SEPTIN9: variants seen among roughly 807,000 people sequenced by gnomAD.
SEPTIN9 encodes the protein septin-9.
In SEPTIN9, 13 loss-of-function variants were observed where a neutral mutation model predicts 56.6. That is an observed-to-expected ratio of 0.23 (90% confidence interval 0.15 to 0.37). The LOEUF (loss-of-function observed/expected upper bound fraction) is 0.37, where lower values mean the gene tolerates loss of function less well. SEPTIN9 is among the 10% of genes least tolerant of loss of function. The pLI is 1.00. For synonymous variants in SEPTIN9, 332 were observed against 334.1 expected (o/e 0.99, Z 0.07); for missense variants, 650 against 823.1 (o/e 0.79, Z 2.57).
Position 77,487,573 on chromosome 17 carries a change from TG to T in SEPTIN9, c.1042+26del, listed in dbSNP as rs1225945274. On this transcript the variant is annotated intron_variant, in intron 5 of 11. Coordinates refer to ENST00000427177, the MANE Select transcript of SEPTIN9 (RefSeq NM_001113491.2). This position sits in a 1 kb window ranked among gnomAD's most constrained non-coding sequence, Gnocchi z 4.3. Reference sequence around the variant, plus strand: ...GCACGGTCAGTGGCCGGGAGTGGGCTGGGGGTGCAGGACGCCCCTGCCTTCC... The same window carrying T: ...GCACGGTCAGTGGCCGGGAGTGGGCTGGGGTGCAGGACGCCCCTGCCTTCC... 4.3e-6 allele frequency: 7 copies of T among 1,611,150 alleles called. No homozygotes were observed.
chr17:77,346,514 G>C (rs533316329), intron 2 of SEPTIN9, among the ~76,000 whole-genome samples: 1 of 151,790 alleles, frequency 6.6e-6, no homozygotes, highest in East Asian at 1.9e-4. Context: ...TAGAGCTATT[G>C]ATTTCTAATT....
chr17:77,466,301 G>A (rs1374657586), intron 3 of SEPTIN9: 6 of 772,962 alleles, frequency 7.8e-6, no homozygotes, highest in Non-Finnish European at 9.4e-6. Flanking sequence ...GGCCCAGTGG[G>A]CGCAGCCTCA....
rs1370207352 is a variant in SEPTIN9, at chr17:77,367,393, G to A, written c.77-34666G>A. On this transcript the variant is annotated intron_variant, in intron 2 of 11. Coordinates refer to ENST00000427177, the MANE Select transcript of SEPTIN9 (RefSeq NM_001113491.2). This position sits in a 1 kb window ranked among gnomAD's most constrained non-coding sequence, Gnocchi z 4.5. The stretch of plus-strand genomic sequence containing the variant: ...GCTCATGCCCCATCAGGAGTCTCCC[G>A]ACTCTGCCATTCTGCAAAGGAAACT... 6.6e-6 allele frequency among the ~76,000 whole-genome samples: 1 copy of A among 152,158 alleles called. No individual in the cohort carries two copies. Among genetic ancestry groups the A allele is most frequent in the Non-Finnish European group, 1.5e-5 (1 of 68,026 alleles).
intron 2 of SEPTIN9, among the ~76,000 whole-genome samples, chr17:77,395,977 C>T (rs1169524351): frequency 1.3e-5 from 2 of 152,204 alleles, no homozygotes; most frequent in Admixed American, 6.5e-5. Flanking sequence ...GGCCAAAGCA[C>T]ATGAACGGTC....
Position 77,310,565 on chromosome 17 carries a change from G to A in SEPTIN9, c.76+3368G>A, listed in dbSNP as rs2032450518. Among the ~76,000 whole-genome samples the A allele has an allele frequency of 6.8e-6, 1 of 146,000 alleles. No individual in the cohort carries two copies. The highest frequency in any genetic ancestry group is 2.6e-5 in the African/African-American group (1 of 38,536). The stretch of plus-strand genomic sequence containing the variant: ...TCGCCGAAGGTCTTCTCTGTTACTA[G>A]TGCTGCCGGGAACGTGTGTTTCCCC... On this transcript the variant is annotated intron_variant, in intron 2 of 11. Coordinates refer to ENST00000427177, the MANE Select transcript of SEPTIN9 (RefSeq NM_001113491.2). This position sits in a 1 kb window ranked among gnomAD's most constrained non-coding sequence, Gnocchi z 4.7.
At chr17:77,382,480 C>T (rs1199297444) in intron 2 of SEPTIN9, among the ~76,000 whole-genome samples, 10 of 152,180 alleles carry the variant, frequency 6.6e-5, no homozygotes, top group African/African-American at 1.2e-4. Flanking sequence ...CGCAGCCAAG[C>T]GGGGTGCACC....
intron 3 of SEPTIN9, among the ~76,000 whole-genome samples, chr17:77,427,741 T>C (rs1158629854): frequency 6.6e-6 from 1 of 152,140 alleles, no homozygotes; most frequent in Non-Finnish European, 1.5e-5. Context: ...TCTGCCTCAG[T>C]CCTGGTCAGG....
chr17:77,462,082 A>G (rs2038501299), intron 3 of SEPTIN9, among the ~76,000 whole-genome samples: 2 of 151,858 alleles, frequency 1.3e-5, no homozygotes, highest in African/African-American at 4.8e-5. Flanking sequence ...CTGAGAAAAA[A>G]CCCTTTCCTT....
At chr17:77,320,320 C>T (rs1447180467) in intron 2 of SEPTIN9, 5 of 1,613,026 alleles carry the variant, frequency 3.1e-6, no homozygotes, top group East Asian at 4.5e-5. Context: ...TAAATATATC[C>T]GTAGGAATGG....
Position 77,429,275 on chromosome 17 carries a change from G to A in SEPTIN9, c.721+26572G>A, listed in dbSNP as rs1304232864. 4.2e-6 allele frequency: 2 copies of A among 471,138 alleles called. No individual in the cohort carries two copies. The highest frequency in any genetic ancestry group is 2.0e-5 in the African/African-American group (1 of 50,090). The allele number at this position is 471,138 out of a possible 1,614,324, so 29.2% of individuals were successfully genotyped here. On this transcript the variant is annotated intron_variant, in intron 3 of 11. Coordinates refer to ENST00000427177, the MANE Select transcript of SEPTIN9 (RefSeq NM_001113491.2). This position sits in a 1 kb window ranked among gnomAD's most constrained non-coding sequence, Gnocchi z 5.2. ...GTGACCTTGATCTGACCGTAATTTT[G>A]ATGGTGCCGATGCCGTCAGCACGCA...
In SEPTIN9 at chr17:77,434,843, C is replaced by T. The variant is rs2037280220; in HGVS notation, c.721+32140C>T. 6.6e-6 allele frequency among the ~76,000 whole-genome samples: 1 copy of T among 152,146 alleles called. No homozygotes were observed. The highest frequency in any genetic ancestry group is 2.4e-5 in the African/African-American group (1 of 41,416). On this transcript the variant is annotated intron_variant, in intron 3 of 11. Coordinates refer to ENST00000427177, the MANE Select transcript of SEPTIN9 (RefSeq NM_001113491.2). This position sits in a 1 kb window ranked among gnomAD's most constrained non-coding sequence, Gnocchi z 5.0. ...CTTAATTCAGGAGGGTAGCCAGTCGCTGGAACTAAGAGTGAACTTCAGCTG... is the reference window on the plus strand; with the variant it reads ...CTTAATTCAGGAGGGTAGCCAGTCGTTGGAACTAAGAGTGAACTTCAGCTG...
At chr17:77,316,083 C>A (rs142243353) in intron 2 of SEPTIN9, among the ~76,000 whole-genome samples, 72 of 152,326 alleles carry the variant, frequency 4.7e-4, no homozygotes, top group African/African-American at 1.7e-3. Flanking sequence ...TTACTCAGTG[C>A]GTTTAGTATG....
chr17:77,485,163 G>A (rs1416649119), intron 4 of SEPTIN9, among the ~76,000 whole-genome samples: 2 of 145,892 alleles, frequency 1.4e-5, no homozygotes, highest in East Asian at 4.6e-4. Flanking sequence ...GGGTGATGAT[G>A]GTAATGTGGG....
At chr17:77,372,204 A>G (rs2034742402) in intron 2 of SEPTIN9, among the ~76,000 whole-genome samples, 1 of 152,146 alleles carries the variant, frequency 6.6e-6, no homozygotes, top group Non-Finnish European at 1.5e-5. Context: ...GGTCTAAGGG[A>G]CGGGGTGACA....
intron 2 of SEPTIN9, among the ~76,000 whole-genome samples, chr17:77,381,468 G>A (rs752073473): frequency 1.3e-5 from 2 of 152,072 alleles, no homozygotes; most frequent in Admixed American, 6.6e-5. Context: ...CGCTTTCCAC[G>A]TGGGTGGGCA....
Position 77,430,863 on chromosome 17 carries a change from C to T in SEPTIN9, c.721+28160C>T, listed in dbSNP as rs142157406. On this transcript the variant is annotated intron_variant, in intron 3 of 11. Transcript: ENST00000427177. ...AAAATTAGCCAGGTATGGTGGTGCA[C>T]GCTTGTAATCCCAGCTACTCTGGAG... Among the ~76,000 whole-genome samples, 28 of 152,058 alleles carry T rather than the reference C, an allele frequency of 1.8e-4. No individual in the cohort carries two copies. The East Asian group carries it at 4.5e-3, about 24-fold the overall frequency.
At chr17:77,412,223 C>G (rs8070595) in intron 3 of SEPTIN9, among the ~76,000 whole-genome samples, 11,024 of 152,048 alleles carry the variant, frequency 0.073, 1,209 homozygotes, top group African/African-American at 0.23. Flanking sequence ...CCCTCGTCGA[C>G]CTGCTCAGCT....
Position 77,450,949 on chromosome 17 carries a change from G to A in SEPTIN9, c.722-31195G>A. ...TCTGGGGTGGCTGGCCATGCTCCCT[G>A]AGAGCCCAGCTGTGGCGATGTCTGA... On this transcript the variant is annotated intron_variant, in intron 3 of 11. Coordinates refer to ENST00000427177, the MANE Select transcript of SEPTIN9 (RefSeq NM_001113491.2). This position sits in a 1 kb window ranked among gnomAD's most constrained non-coding sequence, Gnocchi z 6.0. The A allele has an allele frequency of 3.2e-6, 1 of 307,952 alleles. No individual in the cohort carries two copies. Among genetic ancestry groups the A allele is most frequent in the Non-Finnish European group, 4.8e-6 (1 of 210,504 alleles). 19.1% of individuals were successfully genotyped at this position (307,952 alleles called of 1,614,324 possible).
intron 2 of SEPTIN9, among the ~76,000 whole-genome samples, chr17:77,392,951 C>T (rs1471094048): frequency 6.6e-6 from 1 of 152,088 alleles, no homozygotes; most frequent in Non-Finnish European, 1.5e-5. Flanking sequence ...TTCCTGAGAA[C>T]ACACCCCTCC....
Sources: gnomAD v4.1 joint callset for allele counts (sites outside exome capture counted in the v4.1 genomes callset) on GRCh38, gnomAD v4.1.1 for gene constraint, Gnocchi (gnomAD v3.1) non-coding constraint, MANE v1.5 for transcripts, NCBI Gene and HGNC (gene_info 2026-07-23, HGNC 2026-07-21) for gene names.